CCDC148: variants seen among roughly 807,000 people sequenced by gnomAD.
CCDC148 encodes coiled-coil domain containing 148.
Under a neutral mutation model 85.7 loss-of-function variants are expected in CCDC148, and 89 were observed. That is an observed-to-expected ratio of 1.04 (90% CI 0.87 to 1.24). The LOEUF is 1.24. Ranked by LOEUF, CCDC148 falls within the 50% of genes most tolerant of loss-of-function variation. The pLI is 0.00. For missense variants in CCDC148, 692 were observed against 671.7 expected (o/e 1.03, Z -0.33); for synonymous variants, 230 against 213.9 (o/e 1.08, Z -0.66).
intron 9 of CCDC148, among the ~76,000 whole-genome samples, chr2:158,289,531 C>T (rs1414875030): frequency 1.3e-5 from 2 of 152,114 alleles, no homozygotes; most frequent in East Asian, 3.9e-4. Context: ...CAATGAAATA[C>T]CACAATACAT....
intron 1 of CCDC148, among the ~76,000 whole-genome samples, chr2:158,365,062 T>A (rs976086762): frequency 1.3e-5 from 2 of 152,154 alleles, no homozygotes; most frequent in Non-Finnish European, 2.9e-5. Flanking sequence ...AAAATGCTCA[T>A]CATCTCTGGT....
At chr2:158,314,576 T>TA (rs1396464366) in intron 7 of CCDC148, among the ~76,000 whole-genome samples, 12 of 152,226 alleles carry the variant, frequency 7.9e-5, no homozygotes, top group African/African-American at 2.9e-4. Context: ...AGAACACTCC[T>TA]AGGCACCATC....
chr2:158,275,834 T>C (rs1186922804), intron 9 of CCDC148, among the ~76,000 whole-genome samples: 1 of 152,164 alleles, frequency 6.6e-6, no homozygotes, highest in African/African-American at 2.4e-5. Flanking sequence ...AGGGTTTCTC[T>C]TACAATGGAA....
chr2:158,373,269 C>T (rs1002407375), intron 1 of CCDC148, among the ~76,000 whole-genome samples: 3 of 152,032 alleles, frequency 2.0e-5, no homozygotes, highest in African/African-American at 7.2e-5. Flanking sequence ...GAAACAGATT[C>T]TCCCCTAGAG....
intron 2 of CCDC148, among the ~76,000 whole-genome samples, chr2:158,351,386 C>G (rs1357721555): frequency 1.3e-5 from 2 of 152,152 alleles, no homozygotes; most frequent in Non-Finnish European, 2.9e-5. Flanking sequence ...GCGCAACGTG[C>G]GCGAGCCGAA....
At chr2:158,381,703 C>T (rs1684874717) in intron 1 of CCDC148, among the ~76,000 whole-genome samples, 1 of 152,074 alleles carries the variant, frequency 6.6e-6, no homozygotes, top group Non-Finnish European at 1.5e-5. Context: ...ACAGCCTGGG[C>T]AACAAACAGA....
At chr2:158,276,847 C>A (rs534055304) in intron 9 of CCDC148, among the ~76,000 whole-genome samples, 1 of 152,190 alleles carries the variant, frequency 6.6e-6, no homozygotes, top group East Asian at 1.9e-4. Context: ...AAATGTCACA[C>A]ATTTGTTCTA....
rs181105642 is a variant in CCDC148, at chr2:158,313,731, G to T, written c.903+25C>A. ...ACTACTAAAACAATTTAACTTGCCA[G>T]TATGTAGGTAGGTCCAGTACTCACC... On this transcript the variant is annotated intron_variant, in intron 8 of 13. Transcript: ENST00000283233. 1.9e-6 allele frequency: 3 copies of T among 1,585,256 alleles called. No homozygotes were observed. In the Admixed American group the frequency reaches 5.5e-5, roughly 29 times the overall value.
chr2:158,171,805 T>G lies in CCDC148; in HGVS notation c.*308A>C, dbSNP rs1357181. 11,210 of 170,900 alleles carry G rather than the reference T, an allele frequency of 0.066. 1,351 individuals carry two copies. The highest frequency in any genetic ancestry group is 0.25 in the African/African-American group (10,385 of 42,272). 10.6% of individuals were successfully genotyped at this position (170,900 alleles called of 1,614,324 possible). A position where few individuals can be genotyped will look rare whatever the true frequency, so the allele number is the denominator to read the frequency against. ...ATTTATAATTCTCACAAAGTTATTT[T>G]GAGCTCTTTTTATAGGATAACATAA... On this transcript the variant is annotated 3_prime_UTR_variant, in exon 14 of 14. Transcript: ENST00000283233.
chr2:158,334,625 T>C (rs1232485533), intron 7 of CCDC148, among the ~76,000 whole-genome samples: 1 of 152,072 alleles, frequency 6.6e-6, no homozygotes, highest in Non-Finnish European at 1.5e-5. Flanking sequence ...CCTAACCTTA[T>C]CTTCCAATTG....
chr2:158,332,695 T>C (rs1693201114), intron 7 of CCDC148, among the ~76,000 whole-genome samples: 1 of 152,022 alleles, frequency 6.6e-6, no homozygotes, highest in Non-Finnish European at 1.5e-5. Context: ...TATTAATTAC[T>C]GCCTCAATTT....
intron 10 of CCDC148, among the ~76,000 whole-genome samples, chr2:158,230,863 G>C (rs1230392716): frequency 1.3e-5 from 2 of 152,256 alleles, no homozygotes; most frequent in South Asian, 4.1e-4. Context: ...CTCATTGAGA[G>C]ATTCCATGTG....
chr2:158,412,830 TTATTATTATTATTA>T (rs1686321643), intron 1 of CCDC148, among the ~76,000 whole-genome samples: 3 of 26,788 alleles, frequency 1.1e-4, no homozygotes, highest in Admixed American at 8.2e-4. Context: ...TAAGTATTTA[TTATTATTATTATTA>T]TTATTATTAT....
At chr2:158,361,468 C>T (rs563893990) in intron 1 of CCDC148, among the ~76,000 whole-genome samples, 7 of 152,252 alleles carry the variant, frequency 4.6e-5, no homozygotes, top group Admixed American at 6.5e-5. Flanking sequence ...AGACTAACAG[C>T]GGATCTCTCT....
chr2:158,419,879 A>G (rs1300062386), intron 1 of CCDC148: 13 of 152,060 alleles, frequency 8.5e-5, no homozygotes. Context: ...GAAAGAAAAA[A>G]TTTTCCCACC....
intron 1 of CCDC148, among the ~76,000 whole-genome samples, chr2:158,425,654 C>T (rs1687042483): frequency 6.6e-6 from 1 of 152,116 alleles, no homozygotes; most frequent in African/African-American, 2.4e-5. Flanking sequence ...AATTAAGGCA[C>T]AGTTTGTTGT....
intron 2 of CCDC148, among the ~76,000 whole-genome samples, chr2:158,354,789 A>G (rs895456080): frequency 6.6e-6 from 1 of 150,948 alleles, no homozygotes; most frequent in Non-Finnish European, 1.5e-5. Flanking sequence ...AGAGAATTTT[A>G]GACCAATATC....
At chr2:158,188,178 T>A (rs984194076) in intron 11 of CCDC148, among the ~76,000 whole-genome samples, 24 of 152,004 alleles carry the variant, frequency 1.6e-4, no homozygotes, top group African/African-American at 4.8e-4. Context: ...TCCCAATGTT[T>A]AATGTCTTAT....
At chr2:158,403,376 T>G (rs1473238179) in intron 1 of CCDC148, among the ~76,000 whole-genome samples, 1 of 151,856 alleles carries the variant, frequency 6.6e-6, no homozygotes, top group Non-Finnish European at 1.5e-5. Flanking sequence ...ACACACATAT[T>G]CCCACACCAT....
Sources: allele counts gnomAD v4.1 joint callset (sites outside exome capture counted in the v4.1 genomes callset), GRCh38; gene constraint gnomAD v4.1.1; transcripts MANE v1.5; gene names NCBI Gene and HGNC (gene_info 2026-07-23, HGNC 2026-07-21).